MTREX: variants seen among roughly 807,000 people sequenced by gnomAD.
MTREX encodes the protein exosome RNA helicase MTR4.
A neutral mutation model predicts 135.4 loss-of-function variants in MTREX; 76 were observed. That is an observed-to-expected ratio of 0.56 (90% CI 0.47 to 0.68). The LOEUF is 0.68. Ranked by LOEUF, MTREX falls within the 30% of genes least tolerant of loss-of-function variation. The pLI is 0.00. For missense variants in MTREX, 920 were observed against 1,262.1 expected (o/e 0.73, Z 4.11); for synonymous variants, 404 against 401.6 (o/e 1.01, Z -0.07).
intron 1 of MTREX, among the ~76,000 whole-genome samples, chr5:55,308,613 A>G (rs531961900): frequency 2.2e-4 from 33 of 152,212 alleles, no homozygotes; most frequent in Admixed American, 2.6e-4. Flanking sequence ...TGGAGATAAT[A>G]GTGCCTACCA....
chr5:55,325,339 G>GTTTTTTTTTTTTTTTT (rs531584340), intron 3 of MTREX, among the ~76,000 whole-genome samples: 1 of 125,954 alleles, frequency 7.9e-6, no homozygotes, highest in Non-Finnish European at 1.7e-5. Context: ...GTTTTTTTTT[G>GTTTTTTTTTTTTTTTT]TTTTTTTTTT....
At chr5:55,331,979 T>C (rs1236389522) in intron 5 of MTREX, among the ~76,000 whole-genome samples, 1 of 152,218 alleles carries the variant, frequency 6.6e-6, no homozygotes, top group East Asian at 1.9e-4. Flanking sequence ...TCTGTATTAT[T>C]TTTAATGTAC....
intron 5 of MTREX, among the ~76,000 whole-genome samples, chr5:55,336,665 G>A (rs1204031838): frequency 1.3e-5 from 2 of 152,150 alleles, no homozygotes; most frequent in Non-Finnish European, 2.9e-5. Flanking sequence ...TTGGGTCCCA[G>A]ACCCCCTCAT....
At chr5:55,321,006 A>G (rs1182530984) in intron 1 of MTREX, among the ~76,000 whole-genome samples, 1 of 152,200 alleles carries the variant, frequency 6.6e-6, no homozygotes, top group African/African-American at 2.4e-5. Context: ...AGAGATTTGG[A>G]AAAATATAAA....
chr5:55,330,363 G>A (rs1749455328), intron 5 of MTREX, among the ~76,000 whole-genome samples: 1 of 151,982 alleles, frequency 6.6e-6, no homozygotes, highest in Non-Finnish European at 1.5e-5. Flanking sequence ...GGCATGAACT[G>A]AATGCATTTT....
chr5:55,346,896 C>A (rs539739549), intron 10 of MTREX, 117 bp from the exon 11 acceptor site: 9 of 794,036 alleles, frequency 1.1e-5, no homozygotes, highest in South Asian at 4.6e-5. Flanking sequence ...GTCTAACCCA[C>A]GGTCAGGAAG....
chr5:55,349,894 GT>G (rs1749800037), intron 12 of MTREX, among the ~76,000 whole-genome samples: 1 of 152,146 alleles, frequency 6.6e-6, no homozygotes, highest in Non-Finnish European at 1.5e-5. Flanking sequence ...TACTGCTAGT[GT>G]TCTCAGTATT....
intron 16 of MTREX, among the ~76,000 whole-genome samples, chr5:55,367,924 G>GT (rs1237490288): frequency 3.3e-5 from 5 of 152,156 alleles, no homozygotes; most frequent in Non-Finnish European, 7.4e-5. Context: ...AAAATCATTT[G>GT]TAATCTCACA....
chr5:55,343,775 A>G (rs1339954095), intron 8 of MTREX, among the ~76,000 whole-genome samples: 1 of 152,194 alleles, frequency 6.6e-6, no homozygotes, highest in Non-Finnish European at 1.5e-5. Context: ...TCAAATAGTT[A>G]TCCATGAGTA....
intron 21 of MTREX, among the ~76,000 whole-genome samples, chr5:55,401,699 G>A (rs1232791330): frequency 6.6e-6 from 1 of 152,190 alleles, no homozygotes; most frequent in Admixed American, 6.5e-5. Context: ...AGCGTCAAAT[G>A]TTAGTAGTTC....
intron 13 of MTREX, among the ~76,000 whole-genome samples, chr5:55,352,926 T>C (rs1374175241): frequency 6.6e-6 from 1 of 152,226 alleles, no homozygotes; most frequent in African/African-American, 2.4e-5. Context: ...GTTGGCACTG[T>C]TAGAATTTAA....
Position 55,397,489 on chromosome 5 carries a change from C to T in MTREX, c.2255C>T (p.Pro752Leu), listed in dbSNP as rs563818433. ...CTTTACATTCCTAAAGACCTTCGGC[C>T]GGTGGACAATAGACAGAGTGTTTTA... ...VRLYIPKDLR[P>L]VDNRQSVLKS... Residue 752 changes from proline (P) to leucine (L), a missense_variant, in exon 20 of 27, where the codon CCG becomes CTG. Physicochemically the swap from Pro to Leu is moderately conservative, Grantham distance 98. Coordinates refer to ENST00000230640, the MANE Select transcript of MTREX (RefSeq NM_015360.5). The T allele has an allele frequency of 1.1e-5, 18 of 1,609,134 alleles. No homozygotes were observed. The highest frequency in any genetic ancestry group is 5.3e-5 in the African/African-American group (4 of 74,954).
chr5:55,319,092 G>C (rs1749246433), intron 1 of MTREX, among the ~76,000 whole-genome samples: 1 of 152,006 alleles, frequency 6.6e-6, no homozygotes, highest in African/African-American at 2.4e-5. Flanking sequence ...AATTTTTTCT[G>C]AACTGTTTAG....
At chr5:55,349,995 A>G (rs1749801495) in intron 12 of MTREX, among the ~76,000 whole-genome samples, 1 of 152,218 alleles carries the variant, frequency 6.6e-6, no homozygotes, top group Admixed American at 6.5e-5. Flanking sequence ...ACTGAAAATC[A>G]TGTGTTTAGT....
chr5:55,358,856 A>T (rs1413163086), intron 15 of MTREX, among the ~76,000 whole-genome samples, 158 bp downstream of exon 15: 2 of 152,238 alleles, frequency 1.3e-5, no homozygotes, highest in Non-Finnish European at 2.9e-5. Context: ...GATTACTCAA[A>T]ATACTAACAT....
At chr5:55,401,959 A>G (rs1417221420) in intron 21 of MTREX, among the ~76,000 whole-genome samples, 2 of 152,204 alleles carry the variant, frequency 1.3e-5, no homozygotes, top group Non-Finnish European at 2.9e-5. Flanking sequence ...TGTGTCTCAC[A>G]AACTAGATTT....
At chr5:55,356,860 A>AG (rs1224666816) in intron 14 of MTREX, 1 of 162,288 alleles carries the variant, frequency 6.2e-6, no homozygotes, top group Non-Finnish European at 1.4e-5. Flanking sequence ...GTCAGTGATG[A>AG]TGATCTTGGA....
At chr5:55,394,736 A>G (rs1750621466) in intron 19 of MTREX, among the ~76,000 whole-genome samples, 1 of 152,174 alleles carries the variant, frequency 6.6e-6, no homozygotes, top group Non-Finnish European at 1.5e-5. Flanking sequence ...AGTAAAAATA[A>G]AAATGATAGT....
chr5:55,320,759 C>T (rs1340456030), intron 1 of MTREX, among the ~76,000 whole-genome samples: 1 of 152,162 alleles, frequency 6.6e-6, no homozygotes, highest in Admixed American at 6.5e-5. Context: ...GGCTCAACAT[C>T]GTTTGCACAA....
Sources: allele counts gnomAD v4.1 joint callset (sites outside exome capture counted in the v4.1 genomes callset), GRCh38; gene constraint gnomAD v4.1.1; transcripts MANE v1.5; gene names NCBI Gene and HGNC (gene_info 2026-07-23, HGNC 2026-07-21).